The following EXOC4 variants were observed in gnomAD, a reference collection of about 807,000 sequenced individuals.
The protein encoded by EXOC4 is exocyst complex component 4.
Under a neutral mutation model 107.2 loss-of-function variants are expected in EXOC4, and 71 were observed. The observed-to-expected ratio is 0.66, with a 90% confidence interval of 0.55 to 0.81. EXOC4 has a LOEUF of 0.81. Among genes scored for constraint, EXOC4 ranks in the 30% least tolerant of loss-of-function variants. The pLI, the probability that EXOC4 is intolerant of heterozygous loss-of-function variation, is 0.00. For missense variants in EXOC4, 1,108 were observed against 1,189.6 expected (o/e 0.93, Z 1.01); for synonymous variants, 456 against 441.2 (o/e 1.03, Z -0.42).
chr7:133,750,687 C>T (rs1795778356), intron 10 of EXOC4, among the ~76,000 whole-genome samples: 1 of 151,962 alleles, frequency 6.6e-6, no homozygotes, highest in Admixed American at 6.6e-5. Context: ...TCAAGTGACC[C>T]TCCCACCTCA....
intron 7 of EXOC4, among the ~76,000 whole-genome samples, chr7:133,432,415 A>G (rs1051807909): frequency 2.0e-5 from 3 of 152,190 alleles, no homozygotes; most frequent in African/African-American, 7.2e-5. Flanking sequence ...TATAGTAGGC[A>G]TTTAATAGCT....
chr7:134,064,473 G>T lies in EXOC4; in HGVS notation c.2870G>T (p.Cys957Phe). The T allele has an allele frequency of 6.2e-7, 1 of 1,607,348 alleles. No individual in the cohort carries two copies. The highest frequency in any genetic ancestry group is 8.5e-7 in the Non-Finnish European group (1 of 1,176,582). Residue 957 changes from cysteine to phenylalanine, a missense_variant, in exon 18 of 18, where the codon TGC becomes TTC. By Grantham distance (205) the Cys-to-Phe change is radical. Transcript: ENST00000253861. ...TRLQRLKEII[C>F]EQAAIKQATK... ...CTGCAGAGGCTCAAAGAGATCATCT[G>T]CGAGCAGGCTGCCATCAAGCAAGCC...
chr7:133,882,606 G>A (rs1380486460), intron 11 of EXOC4, among the ~76,000 whole-genome samples: 1 of 152,190 alleles, frequency 6.6e-6, no homozygotes, highest in Non-Finnish European at 1.5e-5. Context: ...AATCTGGTAC[G>A]AGGGTTAGGG....
At chr7:133,285,402 A>T (rs1794252039) in intron 2 of EXOC4, among the ~76,000 whole-genome samples, 1 of 152,128 alleles carries the variant, frequency 6.6e-6, no homozygotes, top group South Asian at 2.1e-4. Context: ...GAGCTTGCAA[A>T]CCTGAAAATA....
At chr7:133,635,234 A>T (rs1280891492) in intron 10 of EXOC4, among the ~76,000 whole-genome samples, 1 of 152,216 alleles carries the variant, frequency 6.6e-6, no homozygotes, top group Non-Finnish European at 1.5e-5. Context: ...ATCAACCACA[A>T]TTTAAATCAG....
intron 7 of EXOC4, among the ~76,000 whole-genome samples, chr7:133,410,440 G>A (rs1002802142): frequency 2.6e-4 from 39 of 152,090 alleles, no homozygotes; most frequent in African/African-American, 7.2e-5. Context: ...TTGTGCATGC[G>A]TGGGCATCTC....
chr7:133,452,104 TTAGCC>T lies in EXOC4; in HGVS notation c.1183-23222_1183-23218del, dbSNP rs1357418357. Among the ~76,000 whole-genome samples, 9 of 152,278 alleles carry T rather than the reference TTAGCC, an allele frequency of 5.9e-5. No individual in the cohort carries two copies. In the South Asian group the frequency reaches 1.0e-3, roughly 18 times the overall value. On this transcript the variant is annotated intron_variant, in intron 7 of 17. Coordinates refer to ENST00000253861, the MANE Select transcript of EXOC4 (RefSeq NM_021807.4). ...CTCAGAAGAGCTGAGGCTTTGATAA[TTAGCC>T]TGATGCACTGTGAATTGCTAAGAGT...
chr7:133,784,879 C>T (rs1396165792), intron 10 of EXOC4, among the ~76,000 whole-genome samples: 2 of 152,212 alleles, frequency 1.3e-5, no homozygotes, highest in African/African-American at 4.8e-5. Flanking sequence ...ATTTCTTTTG[C>T]TTTCCCAAAT....
At chr7:133,573,010 A>G (rs1469838165) in intron 9 of EXOC4, among the ~76,000 whole-genome samples, 2 of 152,222 alleles carry the variant, frequency 1.3e-5, no homozygotes, top group African/African-American at 4.8e-5. Context: ...ATTATGTTTC[A>G]GGATATAACC....
chr7:133,392,399 C>T (rs1796873321), intron 7 of EXOC4, among the ~76,000 whole-genome samples: 1 of 152,114 alleles, frequency 6.6e-6, no homozygotes, highest in Non-Finnish European at 1.5e-5. Context: ...AGAAATTTCT[C>T]CTTTCTGTTT....
intron 10 of EXOC4, among the ~76,000 whole-genome samples, chr7:133,692,439 C>CTTTAA (rs1794442190): frequency 1.3e-5 from 2 of 152,162 alleles, no homozygotes; most frequent in African/African-American, 4.8e-5. Context: ...GTGTACAACT[C>CTTTAA]TTTAACACCA....
chr7:133,597,862 A>G (rs1222503093), intron 9 of EXOC4, among the ~76,000 whole-genome samples: 1 of 151,866 alleles, frequency 6.6e-6, no homozygotes, highest in Non-Finnish European at 1.5e-5. Flanking sequence ...AATACAAAAA[A>G]TTAGCCAGGC....
intron 7 of EXOC4, among the ~76,000 whole-genome samples, chr7:133,392,544 A>C (rs1796876738): frequency 6.6e-6 from 1 of 152,108 alleles, no homozygotes; most frequent in Admixed American, 6.6e-5. Context: ...TTTGGGAGTG[A>C]ATGATGGTTT....
intron 4 of EXOC4, among the ~76,000 whole-genome samples, chr7:133,316,303 C>T (rs571887805): frequency 9.6e-4 from 146 of 152,228 alleles, no homozygotes; most frequent in South Asian, 1.7e-3. Context: ...GAAATCTTTC[C>T]TATAGGCGTG....
chr7:133,722,211 T>C (rs1795118440), intron 10 of EXOC4, among the ~76,000 whole-genome samples: 1 of 152,244 alleles, frequency 6.6e-6, no homozygotes. Flanking sequence ...AAAACTGTTC[T>C]TTCATTGCAA....
intron 17 of EXOC4, among the ~76,000 whole-genome samples, chr7:134,056,600 C>A (rs1213992518): frequency 2.0e-5 from 3 of 152,166 alleles, no homozygotes; most frequent in Non-Finnish European, 4.4e-5. Context: ...CAGTGCCAGA[C>A]CAAAGAGACA....
At chr7:133,444,505 G>A (rs1798174445) in intron 7 of EXOC4, among the ~76,000 whole-genome samples, 1 of 152,190 alleles carries the variant, frequency 6.6e-6, no homozygotes, top group Admixed American at 6.5e-5. Context: ...TTATGTCTTA[G>A]TGGGCATGTG....
At chr7:134,075,000 G>A in the EXOC4 span, among the ~76,000 whole-genome samples, 3 of 152,018 alleles carry the variant, frequency 2.0e-5, no homozygotes, top group Non-Finnish European at 4.4e-5. Context: ...AACCTCCACA[G>A]TATAAAAAAA....
intron 9 of EXOC4, among the ~76,000 whole-genome samples, chr7:133,565,972 C>T (rs1228159759): frequency 6.6e-6 from 1 of 152,094 alleles, no homozygotes; most frequent in Admixed American, 6.6e-5. Context: ...ACCCAAGATA[C>T]AAGGCAACAA....
Sources: gnomAD v4.1 joint callset for allele counts (sites outside exome capture counted in the v4.1 genomes callset) on GRCh38, gnomAD v4.1.1 for gene constraint, MANE v1.5 for transcripts, NCBI Gene and HGNC (gene_info 2026-07-23, HGNC 2026-07-21) for gene names.